The following BCAS1 variants were observed in gnomAD, a reference collection of about 807,000 sequenced individuals.
The protein encoded by BCAS1 is breast carcinoma-amplified sequence 1.
In BCAS1, 46 loss-of-function variants were observed where a neutral mutation model predicts 65.4. The observed-to-expected ratio is 0.70, with a 90% CI of 0.55 to 0.90. The LOEUF (loss-of-function observed/expected upper bound fraction) is 0.90, where lower values mean the gene tolerates loss of function less well. BCAS1 is among the 40% of genes least tolerant of loss of function. The pLI, the probability that BCAS1 is intolerant of heterozygous loss-of-function variation, is 0.00. For missense variants in BCAS1, 793 were observed against 771.2 expected (o/e 1.03, Z -0.33); for synonymous variants, 298 against 293.5 (o/e 1.02, Z -0.16).
intron 4 of BCAS1, among the ~76,000 whole-genome samples, chr20:54,027,995 C>T (rs2091712560): frequency 6.6e-6 from 1 of 152,198 alleles, no homozygotes; most frequent in Non-Finnish European, 1.5e-5. Context: ...TCCAACAAAA[C>T]TCTGCATGTC....
At chr20:54,011,327 G>A (rs114103377) in intron 4 of BCAS1, among the ~76,000 whole-genome samples, 1,946 of 152,156 alleles carry the variant, frequency 0.013, 39 homozygotes, top group African/African-American at 0.044. Context: ...TGCAAACCAC[G>A]TATCTGACGA....
At chr20:54,045,348 C>A (rs2092083752) in intron 3 of BCAS1, among the ~76,000 whole-genome samples, 1 of 151,780 alleles carries the variant, frequency 6.6e-6, no homozygotes, top group Non-Finnish European at 1.5e-5. Context: ...CCTTGAAGTA[C>A]ATTGTAGCTT....
At chr20:53,957,537 C>T (rs780742422) in intron 10 of BCAS1, 40 bp from the exon 11 acceptor site, 2 of 1,572,040 alleles carry the variant, frequency 1.3e-6, no homozygotes, top group African/African-American at 2.7e-5. Flanking sequence ...GCCACAAGTA[C>T]AGTGACGTGG....
At chr20:54,011,381 AACTC>A (rs1274601229) in intron 4 of BCAS1, among the ~76,000 whole-genome samples, 3 of 142,394 alleles carry the variant, frequency 2.1e-5, no homozygotes, top group Non-Finnish European at 4.7e-5. Context: ...AAATTCTTAA[AACTC>A]AACATTAAAA....
chr20:53,944,696 C>G lies in BCAS1; in HGVS notation c.*226G>C. 1.9e-6 allele frequency: 1 copy of G among 535,246 alleles called. No homozygotes were observed. Among genetic ancestry groups the G allele is most frequent in the Non-Finnish European group, 3.4e-6 (1 of 293,252 alleles). The allele number at this position is 535,246 out of a possible 1,614,324, so 33.2% of individuals were successfully genotyped here. On this transcript the variant is annotated 3_prime_UTR_variant, in exon 13 of 13. Coordinates refer to ENST00000688948, the MANE Select transcript of BCAS1 (RefSeq NM_001366298.2). ...GTGATCATCGACTCTTCTGACCCAA[C>G]TAGGTGACCTGCTAAACCATCTTTA...
chr20:53,977,952 A>G (rs1275352954), intron 8 of BCAS1, among the ~76,000 whole-genome samples: 2 of 151,792 alleles, frequency 1.3e-5, no homozygotes, highest in African/African-American at 2.4e-5. Flanking sequence ...GGTTAGTTAC[A>G]TATGTATACA....
At chr20:53,954,668 A>C (rs1199901716) in intron 11 of BCAS1, among the ~76,000 whole-genome samples, 4 of 152,250 alleles carry the variant, frequency 2.6e-5, no homozygotes, top group Admixed American at 2.0e-4. Flanking sequence ...TAGTAAATGC[A>C]GGCTGGGGTA....
intron 1 of BCAS1, among the ~76,000 whole-genome samples, chr20:54,070,062 G>T (rs1025960990): frequency 2.0e-5 from 3 of 152,152 alleles, no homozygotes; most frequent in Non-Finnish European, 4.4e-5. Flanking sequence ...CGGCTATGGG[G>T]CATTCTTGCC....
At chr20:53,994,914 CACATAT>C in intron 6 of BCAS1, 92 bp downstream of exon 6, 1 of 920,938 alleles carries the variant, frequency 1.1e-6, no homozygotes, top group African/African-American at 1.7e-5. Context: ...CACACACACA[CACATAT>C]ATGTATTCAA....
chr20:53,977,464 A>G (rs542769443), intron 8 of BCAS1, among the ~76,000 whole-genome samples: 9 of 152,320 alleles, frequency 5.9e-5, no homozygotes, highest in South Asian at 4.1e-4. Flanking sequence ...AAACCCTTCC[A>G]TTATTTAAGA....
chr20:53,999,871 C>CA (rs1207528361), intron 4 of BCAS1, among the ~76,000 whole-genome samples: 4 of 152,252 alleles, frequency 2.6e-5, no homozygotes, highest in Admixed American at 1.3e-4. Context: ...GCTGGGATTA[C>CA]AGTGTGTGCC....
intron 8 of BCAS1, among the ~76,000 whole-genome samples, chr20:53,980,529 G>A (rs2090450609): frequency 6.6e-6 from 1 of 152,194 alleles, no homozygotes; most frequent in South Asian, 2.1e-4. Flanking sequence ...AGTGGGTTAA[G>A]TGCTTTATGT....
Position 54,070,570 on chromosome 20 carries a change from T to A in BCAS1, c.-143A>T. On this transcript the variant is annotated 5_prime_UTR_variant, in exon 1 of 13. Transcript: ENST00000688948. The stretch of plus-strand genomic sequence containing the variant: ...CCTGGCTCCCTGCACTTTGCTTCCT[T>A]GTGCAGAGCCTGCTGGCTGAATACA... The A allele has an allele frequency of 6.6e-6, 1 of 152,484 alleles. No homozygotes were observed. The highest frequency in any genetic ancestry group is 1.9e-4 in the East Asian group (1 of 5,206). 9.4% of individuals were successfully genotyped at this position (152,484 alleles called of 1,614,324 possible).
chr20:54,043,676 G>C (rs545599956), intron 3 of BCAS1, among the ~76,000 whole-genome samples: 6 of 152,274 alleles, frequency 3.9e-5, no homozygotes, highest in Admixed American at 3.3e-4. Flanking sequence ...ATACCCGGGA[G>C]GGGTTGTGGG....
intron 10 of BCAS1, 92 bp from the exon 11 acceptor site, chr20:53,957,589 A>G: frequency 8.2e-7 from 1 of 1,215,774 alleles, no homozygotes; most frequent in Non-Finnish European, 1.2e-6. Context: ...TCAGTCATTT[A>G]TCATTGAGGT....
intron 12 of BCAS1, among the ~76,000 whole-genome samples, chr20:53,950,471 CA>C (rs1359640435): frequency 6.6e-6 from 1 of 150,834 alleles, no homozygotes; most frequent in Non-Finnish European, 1.5e-5. Flanking sequence ...AAGTAGCACA[CA>C]CCCCCCCATC....
chr20:53,972,296 CT>C (rs2090200205), intron 9 of BCAS1, among the ~76,000 whole-genome samples: 1 of 152,192 alleles, frequency 6.6e-6, no homozygotes, highest in South Asian at 2.1e-4. Flanking sequence ...TTAAAGCTAA[CT>C]CTGTTTTACA....
intron 7 of BCAS1, among the ~76,000 whole-genome samples, chr20:53,989,279 G>A (rs2090694113): frequency 6.6e-6 from 1 of 152,050 alleles, no homozygotes; most frequent in South Asian, 2.1e-4. Context: ...CTTTGCATTG[G>A]GAGGATATCC....
rs531095118 is a variant in BCAS1 at position 53,950,166 on chromosome 20, G to C, written c.1815+3266C>G. On this transcript the variant is annotated intron_variant, in intron 12 of 12. Coordinates refer to ENST00000688948, the MANE Select transcript of BCAS1 (RefSeq NM_001366298.2). The stretch of plus-strand genomic sequence containing the variant: ...ACAGCCCGTACAGCCTGCATGAGGA[G>C]GTCCCCGCCCACGGCTCCAATCTTA... 5.3e-5 allele frequency among the ~76,000 whole-genome samples: 8 copies of C among 152,052 alleles called. No individual in the cohort carries two copies. The South Asian group carries it at 1.5e-3, about 28-fold the overall frequency.
Sources: allele counts gnomAD v4.1 joint callset (sites outside exome capture counted in the v4.1 genomes callset), GRCh38; gene constraint gnomAD v4.1.1; transcripts MANE v1.5; gene names NCBI Gene and HGNC (gene_info 2026-07-23, HGNC 2026-07-21).